The following SCAMP1 variants were observed in gnomAD, a reference collection of about 807,000 sequenced individuals.
SCAMP1 encodes secretory carrier membrane protein 1.
A neutral mutation model predicts 41.8 loss-of-function variants in SCAMP1; 15 were observed. That is an observed-to-expected ratio of 0.36 (90% CI 0.24 to 0.55). The LOEUF is 0.55. Ranked by LOEUF, SCAMP1 falls within the 20% of genes least tolerant of loss-of-function variation. The pLI is 0.86. For missense variants in SCAMP1, 341 were observed against 412.6 expected (o/e 0.83, Z 1.50); for synonymous variants, 135 against 136.8 (o/e 0.99, Z 0.09).
intron 1 of SCAMP1, among the ~76,000 whole-genome samples, chr5:78,372,064 A>G (rs1333168610): frequency 6.6e-6 from 1 of 152,242 alleles, no homozygotes; most frequent in Non-Finnish European, 1.5e-5. Context: ...AGTGAAAACA[A>G]TGCATAGTGT....
At chr5:78,370,834 A>G (rs1341741192) in intron 1 of SCAMP1, 2 of 152,074 alleles carry the variant, frequency 1.3e-5, no homozygotes, top group Non-Finnish European at 2.9e-5. Context: ...ATCTTTGTTA[A>G]CACTTGCTAT....
chr5:78,468,187 C>A (rs1753791847), intron 8 of SCAMP1, among the ~76,000 whole-genome samples: 1 of 151,988 alleles, frequency 6.6e-6, no homozygotes, highest in Non-Finnish European at 1.5e-5. Context: ...TGTTTGTTTC[C>A]CCCACAGTGT....
At chr5:78,431,804 G>A (rs988671625) in intron 6 of SCAMP1, among the ~76,000 whole-genome samples, 23 of 151,668 alleles carry the variant, frequency 1.5e-4, no homozygotes, top group Non-Finnish European at 3.2e-4. Context: ...GAAACACACA[G>A]TACATTACCT....
At chr5:78,395,177 G>A (rs1051767603) in intron 2 of SCAMP1, among the ~76,000 whole-genome samples, 3 of 151,966 alleles carry the variant, frequency 2.0e-5, no homozygotes, top group Non-Finnish European at 2.9e-5. Context: ...AATTTTTTTC[G>A]TAGACCATTT....
At chr5:78,388,254 C>T (rs1751394288) in intron 1 of SCAMP1, among the ~76,000 whole-genome samples, 1 of 152,136 alleles carries the variant, frequency 6.6e-6, no homozygotes, top group South Asian at 2.1e-4. Flanking sequence ...TGAAAGCCTA[C>T]TATTAAAAGA....
intron 7 of SCAMP1, among the ~76,000 whole-genome samples, chr5:78,458,451 C>G (rs902573487): frequency 1.3e-5 from 2 of 152,040 alleles, no homozygotes; most frequent in South Asian, 2.1e-4. Context: ...CTCTGCATGT[C>G]TTTTATCCAT....
chr5:78,385,595 T>C (rs766773942), intron 1 of SCAMP1, among the ~76,000 whole-genome samples: 1 of 152,196 alleles, frequency 6.6e-6, no homozygotes, highest in Non-Finnish European at 1.5e-5. Context: ...CTATGAACTT[T>C]CCTTTTAGCA....
At chr5:78,399,702 C>T (rs554392500) in intron 2 of SCAMP1, among the ~76,000 whole-genome samples, 8 of 152,200 alleles carry the variant, frequency 5.3e-5, no homozygotes, top group South Asian at 2.1e-4. Flanking sequence ...TTTTGGATAA[C>T]GGTTCTTTAT....
At chr5:78,450,346 TGGAAGGGACAGGAAAGAGCTTCAG>T (rs1753192547) in intron 7 of SCAMP1, among the ~76,000 whole-genome samples, 1 of 152,044 alleles carries the variant, frequency 6.6e-6, no homozygotes, top group Non-Finnish European at 1.5e-5. Context: ...CCAAGGAATG[TGGAAGGGACAGGAAAGAGCTTCAG>T]GGATTCTAAG....
intron 2 of SCAMP1, among the ~76,000 whole-genome samples, chr5:78,407,766 A>T (rs190256895): frequency 2.0e-5 from 3 of 151,308 alleles, no homozygotes; most frequent in Admixed American, 2.0e-4. Context: ...TTATTATTTC[A>T]TCTTTGTGTA....
In SCAMP1 at chr5:78,443,653, C is replaced by CTTTTTTTTTT. The variant is rs71613955; in HGVS notation, c.633-6265_633-6256dup. ...TTAGCCAGACTAGTGAGTGGTTTTG[C>CTTTTTTTTTT]TTTTTTTTTTTTTTTTTTTTTTTTG... On this transcript the variant is annotated intron_variant, in intron 6 of 8. Coordinates refer to ENST00000621999, the MANE Select transcript of SCAMP1 (RefSeq NM_004866.6). Among the ~76,000 whole-genome samples, 24 of 71,956 alleles carry CTTTTTTTTTT rather than the reference C, an allele frequency of 3.3e-4. 1 individual carries two copies. The highest frequency in any genetic ancestry group is 1.0e-3 in the East Asian group (2 of 1,988). 47.2% of individuals were successfully genotyped at this position (71,956 alleles called of 152,430 possible).
At chr5:78,475,470 A>G (rs372977482) in intron 8 of SCAMP1, 34 bp from the exon 9 acceptor site, 2 of 1,514,378 alleles carry the variant, frequency 1.3e-6, no homozygotes, top group Non-Finnish European at 1.8e-6. Flanking sequence ...GTAGGTTGCT[A>G]CTTACCTTCT....
Position 78,479,568 on chromosome 5 carries a change from GAAAT to G in SCAMP1, c.*3905_*3908del, listed in dbSNP as rs1345443521. ...CTTTATCACAGTATGTAGAGAGCTA[GAAAT>G]AAATCTAGAAACTTTCTAAGCCAGG... is the stretch of plus-strand genomic sequence containing the variant. On this transcript the variant is annotated 3_prime_UTR_variant, in exon 9 of 9. Transcript: ENST00000621999. 6.6e-6 allele frequency among the ~76,000 whole-genome samples: 1 copy of G among 152,140 alleles called. No homozygotes were observed. Among genetic ancestry groups the G allele is most frequent in the Non-Finnish European group, 1.5e-5 (1 of 68,006 alleles).
intron 1 of SCAMP1, 111 bp downstream of exon 1, chr5:78,360,839 A>C: frequency 3.6e-6 from 4 of 1,105,638 alleles, no homozygotes; most frequent in Non-Finnish European, 5.2e-6. Flanking sequence ...TTAGCAGCCC[A>C]GAGAGGGGCG....
chr5:78,440,541 A>T (rs922604886), intron 6 of SCAMP1, among the ~76,000 whole-genome samples: 3 of 152,284 alleles, frequency 2.0e-5, no homozygotes, highest in African/African-American at 4.8e-5. Context: ...CAGAACGGCT[A>T]ATGTTGCTGC....
At chr5:78,393,505 T>C (rs1029953373) in intron 2 of SCAMP1, among the ~76,000 whole-genome samples, 1 of 152,196 alleles carries the variant, frequency 6.6e-6, no homozygotes, top group African/African-American at 2.4e-5. Flanking sequence ...TTCACCATTT[T>C]ACACATTCAG....
intron 1 of SCAMP1, among the ~76,000 whole-genome samples, chr5:78,375,608 C>A (rs1305371410): frequency 6.6e-6 from 1 of 151,960 alleles, no homozygotes; most frequent in Non-Finnish European, 1.5e-5. Context: ...AAAATAATAC[C>A]TTATATCTCA....
chr5:78,388,779 C>A lies in SCAMP1; in HGVS notation c.58-58C>A, dbSNP rs1580656120. The A allele has an allele frequency of 1.1e-5, 10 of 926,542 alleles. No homozygotes were observed. In the East Asian group the frequency reaches 2.4e-4, roughly 22 times the overall value. The allele number at this position is 926,542 out of a possible 1,614,324, so 57.4% of individuals were successfully genotyped here. A position where few individuals can be genotyped will look rare whatever the true frequency, so the allele number is the denominator to read the frequency against. ...GATAAAGCAAATGGTATGTAAATAT[C>A]AAAATTATTTTTTAAAGGATAAGTA... is the stretch of plus-strand genomic sequence containing the variant. On this transcript the variant is annotated intron_variant, in intron 1 of 8. Coordinates refer to ENST00000621999, the MANE Select transcript of SCAMP1 (RefSeq NM_004866.6).
chr5:78,415,207 C>T (rs924413695), intron 2 of SCAMP1, among the ~76,000 whole-genome samples: 10 of 152,196 alleles, frequency 6.6e-5, no homozygotes, highest in African/African-American at 2.2e-4. Context: ...CACGCCTTGG[C>T]CTCCCAAAGT....
Sources: gnomAD v4.1 joint callset for allele counts (sites outside exome capture counted in the v4.1 genomes callset) on GRCh38, gnomAD v4.1.1 for gene constraint, MANE v1.5 for transcripts, NCBI Gene and HGNC (gene_info 2026-07-23, HGNC 2026-07-21) for gene names.